The following LAIR1 variants were observed in gnomAD, a reference collection of about 807,000 sequenced individuals.
LAIR1 encodes the protein leukocyte associated immunoglobulin like receptor 1, also known as leukocyte-associated immunoglobulin-like receptor 1.
A neutral mutation model predicts 32.8 loss-of-function variants in LAIR1; 24 were observed. That is an observed-to-expected ratio of 0.73 (90% CI 0.53 to 1.03). The LOEUF (loss-of-function observed/expected upper bound fraction) is 1.03. LAIR1 is among the 50% of genes least tolerant of loss of function. The pLI is 0.00. For synonymous variants in LAIR1, 150 were observed against 140.5 expected (o/e 1.07, Z -0.48); for missense variants, 355 against 347.5 (o/e 1.02, Z -0.17).
Position 54,356,524 on chromosome 19 carries a change from A to G in LAIR1, c.550T>C (p.Phe184Leu). 6.2e-7 allele frequency: 1 copy of G among 1,614,070 alleles called. No individual in the cohort carries two copies. Among genetic ancestry groups the G allele is most frequent in the East Asian group, 2.2e-5 (1 of 44,876 alleles). ...FLFCLLLLVL[F>L]CLHRQNQIKQ... ...ATCTGATTCTGGCGATGGAGGCAGA[A>G]GAGGACCAGGAGGAGGAGACAGAAG... The change falls in exon 6 of 10, where the codon TTC becomes CTC. Residue 184 changes from phenylalanine (F) to leucine (L), a missense_variant. Physicochemically the swap from Phe to Leu is conservative, Grantham distance 22. Coordinates refer to ENST00000391742, the MANE Select transcript of LAIR1 (RefSeq NM_002287.6).
chr19:54,370,969 T>G (rs1283335281), upstream of LAIR1, among the ~76,000 whole-genome samples: 1 of 150,652 alleles, frequency 6.6e-6, no homozygotes, highest in Non-Finnish European at 1.5e-5. Flanking sequence ...TTTTTCTTTT[T>G]GCTTTTTTTT....
chr19:54,365,186 G>C, upstream of LAIR1: 1 of 491,050 alleles, frequency 2.0e-6, no homozygotes, highest in Non-Finnish European at 2.8e-6. Context: ...TCTTGGGCAA[G>C]ACGTTACAAA....
intron 4 of LAIR1, chr19:54,358,543 C>T (rs1454280888): frequency 6.2e-7 from 1 of 1,609,320 alleles, no homozygotes. Flanking sequence ...CTATTTCTCC[C>T]CATTGAAGTT....
intron 4 of LAIR1, chr19:54,357,225 G>C (rs117655127): frequency 1.9e-6 from 1 of 525,790 alleles, no homozygotes; most frequent in Non-Finnish European, 3.4e-6. Flanking sequence ...TGGCTGCACC[G>C]TCTGCACCTC....
chr19:54,375,610 C>A, the LAIR1 span, among the ~76,000 whole-genome samples: 1 of 152,192 alleles, frequency 6.6e-6, no homozygotes, highest in Non-Finnish European at 1.5e-5. Context: ...GAACACCAAC[C>A]TGGAGGTCAG....
In LAIR1 at chr19:54,355,185, C is replaced by A; in HGVS notation, c.*83G>T. On this transcript the variant is annotated 3_prime_UTR_variant, in exon 10 of 10. Transcript: ENST00000391742. This position sits in a 1 kb window ranked among gnomAD's most constrained non-coding sequence, Gnocchi z 4.7. Reference sequence around the variant, plus strand: ...GCTTTCTAGATGAAGAGGAATCCAACAGGAAGCCTTCCAAATGGCTGCTTC... The same window carrying A: ...GCTTTCTAGATGAAGAGGAATCCAAAAGGAAGCCTTCCAAATGGCTGCTTC... 2 of 1,334,098 alleles carry A rather than the reference C, an allele frequency of 1.5e-6. No homozygotes were observed. The highest frequency in any genetic ancestry group is 2.1e-6 in the Non-Finnish European group (2 of 973,816). The allele number at this position is 1,334,098 out of a possible 1,614,324, so 82.6% of individuals were successfully genotyped here.
At chr19:54,363,488 C>T (rs112989717) in intron 2 of LAIR1, among the ~76,000 whole-genome samples, 8 of 152,242 alleles carry the variant, frequency 5.3e-5, no homozygotes, top group African/African-American at 1.7e-4. Flanking sequence ...GGAGCTGACG[C>T]CTGCACTCCC....
chr19:54,373,793 A>G (rs2082459366), upstream of LAIR1, among the ~76,000 whole-genome samples: 1 of 152,244 alleles, frequency 6.6e-6, no homozygotes, highest in Non-Finnish European at 1.5e-5. Context: ...TCTCTGGGGC[A>G]GAATTTGAAT....
intron 4 of LAIR1, chr19:54,357,667 C>A (rs1187010444): frequency 2.0e-5 from 3 of 152,312 alleles, no homozygotes; most frequent in Non-Finnish European, 2.9e-5. Flanking sequence ...TACCCAATTC[C>A]CAGGTGGCTA....
upstream of LAIR1, among the ~76,000 whole-genome samples, chr19:54,372,491 C>CTTTTTTTTT (rs35628063): frequency 1.5e-5 from 2 of 131,544 alleles, no homozygotes; most frequent in Non-Finnish European, 3.2e-5. Flanking sequence ...TTCTTTCTTT[C>CTTTTTTTTT]TTTTTTTTTT....
chr19:54,362,113 C>A (rs936659358), intron 2 of LAIR1, among the ~76,000 whole-genome samples: 5 of 151,972 alleles, frequency 3.3e-5, no homozygotes, highest in Non-Finnish European at 7.4e-5. Flanking sequence ...ACTGTGGAAT[C>A]GCTGAATCAA....
At chr19:54,361,489 G>A (rs1452734515) in intron 2 of LAIR1, among the ~76,000 whole-genome samples, 2 of 151,984 alleles carry the variant, frequency 1.3e-5, no homozygotes, top group Middle Eastern at 6.8e-3. Context: ...GGAGCAGCCT[G>A]GAGCCCTTCA....
chr19:54,370,718 G>A (rs1332537052), upstream of LAIR1, among the ~76,000 whole-genome samples: 1 of 151,276 alleles, frequency 6.6e-6, no homozygotes, highest in Non-Finnish European at 1.5e-5. Flanking sequence ...ATGGGGCTGA[G>A]GAAGCAACAC....
upstream of LAIR1, among the ~76,000 whole-genome samples, chr19:54,366,159 C>T (rs1344135568): frequency 6.6e-6 from 1 of 152,178 alleles, no homozygotes; most frequent in Non-Finnish European, 1.5e-5. Flanking sequence ...GCCTAGAGAT[C>T]TGCTGCACCA....
chr19:54,364,243 G>A lies in LAIR1; in HGVS notation c.70+52C>T. Reference sequence around the variant, plus strand: ...ATCAACATCACTCCCACCCAGCACTGCCCTTGGGGTGACAGAGGGGACTGG... The same window carrying A: ...ATCAACATCACTCCCACCCAGCACTACCCTTGGGGTGACAGAGGGGACTGG... On this transcript the variant is annotated intron_variant, in intron 2 of 9. Transcript: ENST00000391742. The surrounding 1 kb of genome is among the most constrained non-coding windows in gnomAD (Gnocchi z 4.8). The A allele has an allele frequency of 1.3e-6, 2 of 1,574,796 alleles. No individual in the cohort carries two copies. Among genetic ancestry groups the A allele is most frequent in the Non-Finnish European group, 8.7e-7 (1 of 1,145,250 alleles).
chr19:54,360,850 C>A, intron 3 of LAIR1, 66 bp downstream of exon 3: 1 of 1,523,470 alleles, frequency 6.6e-7, no homozygotes. Flanking sequence ...GGACAGGGTC[C>A]AGGGACCTGG....
In LAIR1 at chr19:54,361,313, A is replaced by G. The variant is rs1274981547; in HGVS notation, c.71-104T>C. The G allele has an allele frequency of 2.3e-6, 3 of 1,286,160 alleles. No homozygotes were observed. In the Admixed American group the frequency reaches 5.5e-5, roughly 23 times the overall value. The allele number at this position is 1,286,160 out of a possible 1,614,324, so 79.7% of individuals were successfully genotyped here. On this transcript the variant is annotated intron_variant, in intron 2 of 9. Coordinates refer to ENST00000391742, the MANE Select transcript of LAIR1 (RefSeq NM_002287.6). The stretch of plus-strand genomic sequence containing the variant: ...TTCAGGGATTTTAGCAATTTTATAG[A>G]GTTATGCAGCCATGACCACAGCCCA...
At chr19:54,369,996 G>C (rs1346631363) in intron 1 of LAIR1, among the ~76,000 whole-genome samples, 1 of 147,448 alleles carries the variant, frequency 6.8e-6, no homozygotes, top group Non-Finnish European at 1.5e-5. Flanking sequence ...ATCCTGTGTC[G>C]TTCCGTCCAA....
chr19:54,373,246 T>A (rs150637324), upstream of LAIR1, among the ~76,000 whole-genome samples: 148 of 150,422 alleles, frequency 9.8e-4, 3 homozygotes, highest in Non-Finnish European at 1.7e-3. Context: ...ATCGAGACCA[T>A]CCTGGCCAAC....
Sources: allele counts gnomAD v4.1 joint callset (sites outside exome capture counted in the v4.1 genomes callset), GRCh38; gene constraint gnomAD v4.1.1; non-coding constraint Gnocchi (gnomAD v3.1); transcripts MANE v1.5; gene names NCBI Gene and HGNC (gene_info 2026-07-23, HGNC 2026-07-21).